The following TFEB variants were observed in gnomAD, a reference collection of about 807,000 sequenced individuals.
TFEB encodes T-cell transcription factor EB.
TFEB carries 12 observed loss-of-function variants against 48.0 expected under a neutral mutation model. The observed-to-expected ratio is 0.25, with a 90% CI of 0.16 to 0.40. The LOEUF is 0.40. Ranked by LOEUF, TFEB falls within the 10% of genes least tolerant of loss-of-function variation. The pLI is 1.00. For missense variants in TFEB, 509 were observed against 640.3 expected (o/e 0.79, Z 2.21); for synonymous variants, 244 against 261.4 (o/e 0.93, Z 0.64).
intron 1 of TFEB, among the ~76,000 whole-genome samples, chr6:41,709,542 T>C (rs555075831): frequency 1.3e-3 from 172 of 132,794 alleles, no homozygotes; most frequent in African/African-American, 6.8e-3. Flanking sequence ...GATGGATGGA[T>C]GGATGGATGG....
At chr6:41,712,070 TC>T (rs932215576) in intron 1 of TFEB, among the ~76,000 whole-genome samples, 2 of 151,974 alleles carry the variant, frequency 1.3e-5, no homozygotes, top group Admixed American at 6.5e-5. Flanking sequence ...AATATTTCTA[TC>T]CCCTCCTAGA....
chr6:41,727,456 C>T lies in TFEB; in HGVS notation c.-23+7894G>A, dbSNP rs566231040. Among the ~76,000 whole-genome samples, 15 of 152,208 alleles carry T rather than the reference C, an allele frequency of 9.9e-5. No individual in the cohort carries two copies. In the South Asian group the frequency reaches 1.2e-3, roughly 13 times the overall value. ...CTGTAATCTTAACACTTTGGGAGGC[C>T]GAGGCGGCTGGATCACTTGAGCCCA... On this transcript the variant is annotated intron_variant, in intron 1 of 8. Transcript: ENST00000373033.
intron 1 of TFEB, 136 bp downstream of exon 1, chr6:41,735,214 C>T: frequency 1.1e-6 from 1 of 910,910 alleles, no homozygotes; most frequent in South Asian, 5.0e-5. Flanking sequence ...TGGCGGCGCG[C>T]ACGGTCCTGC....
At position 41,723,557 on chromosome 6, in the gene TFEB, C is replaced by T; in HGVS notation, c.-23+11793G>A. On this transcript the variant is annotated intron_variant, in intron 1 of 8. Transcript: ENST00000373033. This position sits in a 1 kb window ranked among gnomAD's most constrained non-coding sequence, Gnocchi z 6.0. The stretch of plus-strand genomic sequence containing the variant: ...CGCACCCCAGCCCCAGGGCCGGGCT[C>T]AGTTTCCTCATTTCCCCGGCGGCTG... The T allele has an allele frequency of 7.9e-7, 1 of 1,263,852 alleles. No individual in the cohort carries two copies. The highest frequency in any genetic ancestry group is 1.0e-6 in the Non-Finnish European group (1 of 977,640). The allele number at this position is 1,263,852 out of a possible 1,614,324, so 78.3% of individuals were successfully genotyped here.
intron 7 of TFEB, 30 bp downstream of exon 7, chr6:41,687,064 C>T (rs1215957550): frequency 6.2e-7 from 1 of 1,607,500 alleles, no homozygotes; most frequent in South Asian, 1.1e-5. Context: ...CACCCAGACC[C>T]ATCACCCTCC....
chr6:41,723,614 TG>T lies in TFEB; in HGVS notation c.-23+11735del. On this transcript the variant is annotated intron_variant, in intron 1 of 8. Coordinates refer to ENST00000373033, the MANE Select transcript of TFEB (RefSeq NM_001271944.2). The surrounding 1 kb of genome is among the most constrained non-coding windows in gnomAD (Gnocchi z 6.0). ...CTCACCCAGCCCCCTGCACCTCAGC[TG>T]GAGAGGAAGTTGCACAATCCCCTGG... 8.8e-7 allele frequency: 1 copy of T among 1,138,320 alleles called. No homozygotes were observed. Among genetic ancestry groups the T allele is most frequent in the Non-Finnish European group, 1.1e-6 (1 of 882,314 alleles). The allele number at this position is 1,138,320 out of a possible 1,614,324, so 70.5% of individuals were successfully genotyped here.
At chr6:41,721,447 A>G (rs1770980940) in intron 1 of TFEB, among the ~76,000 whole-genome samples, 1 of 152,102 alleles carries the variant, frequency 6.6e-6, no homozygotes, top group African/African-American at 2.4e-5. Flanking sequence ...ACTGAGCAAT[A>G]CACTTGAATA....
At position 41,687,097 on chromosome 6, in the gene TFEB, T is replaced by C. The variant is rs761666378; in HGVS notation, c.800A>G (p.Asp267Gly). Residue 267 changes from aspartate (D) to glycine (G), a missense_variant, in exon 7 of 9, where the codon GAC (aspartate) becomes GGC (glycine). Around this residue, in one of 4 missense-constraint regions of TFEB, gnomAD observed 28 missense variants for 71.9 expected, o/e 0.39. Coordinates refer to ENST00000373033, the MANE Select transcript of TFEB (RefSeq NM_001271944.2). ...TCCCCCTCAGAAACCTGCTCACAGG[T>C]CATTGGCCTTGGGGATCAGCATTCC... Reference protein sequence around the residue: ...ELGMLIPKANDLDVRWNKGTI... With the variant: ...ELGMLIPKANGLDVRWNKGTI... The C allele has an allele frequency of 6.2e-7, 1 of 1,613,946 alleles. No individual in the cohort carries two copies. Among genetic ancestry groups the C allele is most frequent in the Non-Finnish European group, 8.5e-7 (1 of 1,179,940 alleles).
intron 1 of TFEB, among the ~76,000 whole-genome samples, chr6:41,714,175 G>A (rs759897577): frequency 3.5e-4 from 35 of 98,804 alleles, no homozygotes; most frequent in African/African-American, 1.5e-3. Context: ...GCATGTGTGC[G>A]TGTGTGTGCA....
Position 41,691,199 on chromosome 6 carries a change from T to C in TFEB, c.15A>G (p.Ile5Met). 1 of 1,586,564 alleles carries C rather than the reference T, an allele frequency of 6.3e-7. No homozygotes were observed. The highest frequency in any genetic ancestry group is 8.6e-7 in the Non-Finnish European group (1 of 1,163,920). ...CCCGCATGAGCTGCATGCGCAACCC[T>C]ATGCGTGACGCCATGGTGGCTGCCG... MASR[I>M]GLRMQLMREQ... is the part of the protein sequence containing the mutation. Residue 5 changes from isoleucine (I) to methionine (M), a missense_variant, in exon 2 of 9, where the codon ATA becomes ATG. Transcript: ENST00000373033. This position sits in a 1 kb window ranked among gnomAD's most constrained non-coding sequence, Gnocchi z 5.2.
chr6:41,696,555 G>A (rs1466621033), intron 1 of TFEB, among the ~76,000 whole-genome samples: 11 of 152,048 alleles, frequency 7.2e-5, no homozygotes, highest in Non-Finnish European at 1.6e-4. Flanking sequence ...TTAGCCGGGC[G>A]TGGTGGTGTG....
rs190774283 is a variant in TFEB at position 41,694,149 on chromosome 6, C to T, written c.-22-2914G>A. On this transcript the variant is annotated intron_variant, in intron 1 of 8. Coordinates refer to ENST00000373033, the MANE Select transcript of TFEB (RefSeq NM_001271944.2). The stretch of plus-strand genomic sequence containing the variant: ...AAGAGCTGAGCGTCTGGCCTGGCCT[C>T]GCGTGGACTGGAGCTGGCTTTGCTA... Among the ~76,000 whole-genome samples, 3 of 152,320 alleles carry T rather than the reference C, an allele frequency of 2.0e-5. No individual in the cohort carries two copies. In the East Asian group the frequency reaches 5.8e-4, roughly 29 times the overall value.
chr6:41,734,871 C>T lies in TFEB; in HGVS notation c.-23+479G>A. 1.0e-6 allele frequency: 1 copy of T among 984,804 alleles called. No individual in the cohort carries two copies. Among genetic ancestry groups the T allele is most frequent in the Non-Finnish European group, 1.2e-6 (1 of 829,432 alleles). The allele number at this position is 984,804 out of a possible 1,614,324, so 61.0% of individuals were successfully genotyped here. On this transcript the variant is annotated intron_variant, in intron 1 of 8. Transcript: ENST00000373033. The surrounding 1 kb of genome is among the most constrained non-coding windows in gnomAD (Gnocchi z 4.0). The stretch of plus-strand genomic sequence containing the variant: ...CTCCCACTCCCCCCGCTGGCCTGGC[C>T]AGACTCAGCCCCCGCACACCTCCCC...
At chr6:41,715,270 C>A (rs931139017) in intron 1 of TFEB, among the ~76,000 whole-genome samples, 1 of 152,156 alleles carries the variant, frequency 6.6e-6, no homozygotes, top group Non-Finnish European at 1.5e-5. Flanking sequence ...AGGACCACAG[C>A]CCTGGCCCTC....
rs1771409148 is a variant in TFEB, at chr6:41,730,558, T to C, written c.-23+4792A>G. On this transcript the variant is annotated intron_variant, in intron 1 of 8. Coordinates refer to ENST00000373033, the MANE Select transcript of TFEB (RefSeq NM_001271944.2). This position sits in a 1 kb window ranked among gnomAD's most constrained non-coding sequence, Gnocchi z 4.1. The stretch of plus-strand genomic sequence containing the variant: ...TCATTTTTCCTCCTTAAGCCCACAC[T>C]TAAGAGCCAGGAAGGAAAGCTGGTG... Among the ~76,000 whole-genome samples the C allele has an allele frequency of 6.6e-6, 1 of 152,168 alleles. No homozygotes were observed. The highest frequency in any genetic ancestry group is 2.4e-5 in the African/African-American group (1 of 41,416).
At chr6:41,699,265 T>G (rs1334623179) in intron 1 of TFEB, among the ~76,000 whole-genome samples, 2 of 152,228 alleles carry the variant, frequency 1.3e-5, no homozygotes, top group African/African-American at 4.8e-5. Flanking sequence ...GGTGTCACCA[T>G]TCTGGTCACT....
intron 1 of TFEB, among the ~76,000 whole-genome samples, chr6:41,721,237 ACTG>A (rs1259391301): frequency 1.3e-5 from 2 of 152,192 alleles, no homozygotes; most frequent in African/African-American, 4.8e-5. Flanking sequence ...TGGCCATAGC[ACTG>A]CTGCTGCGCC....
intron 7 of TFEB, 154 bp from the exon 8 acceptor site, chr6:41,686,391 G>T: frequency 2.2e-6 from 2 of 891,902 alleles, no homozygotes; most frequent in Non-Finnish European, 1.7e-6. Flanking sequence ...AGTTTGCACA[G>T]AATGGGCCCT....
At chr6:41,685,178 C>T (rs780622756) in intron 8 of TFEB, 100 bp from the exon 9 acceptor site, 34 of 1,323,050 alleles carry the variant, frequency 2.6e-5, no homozygotes, top group East Asian at 2.1e-4. Flanking sequence ...CCCTGCCCTA[C>T]GGCACCCAAG....
Sources: allele counts gnomAD v4.1 joint callset (sites outside exome capture counted in the v4.1 genomes callset), GRCh38; gene constraint gnomAD v4.1.1; regional missense constraint gnomAD v4.1.1; non-coding constraint Gnocchi (gnomAD v3.1); transcripts MANE v1.5; gene names NCBI Gene and HGNC (gene_info 2026-07-23, HGNC 2026-07-21).